ZNF254: variants seen among roughly 807,000 people sequenced by gnomAD.
The protein encoded by ZNF254 is CTD-2017D11.1.
A neutral mutation model predicts 12.4 loss-of-function variants in ZNF254; 10 were observed. The ratio of observed to expected loss-of-function variants is 0.80; its 90% confidence interval spans 0.50 to 1.36. The LOEUF is 1.36. Ranked by LOEUF, ZNF254 falls within the 40% of genes most tolerant of loss-of-function variation. The pLI, the probability that ZNF254 is intolerant of heterozygous loss-of-function variation, is 0.00. For missense variants in ZNF254, 996 were observed against 763.9 expected (o/e 1.30, Z -3.58); for synonymous variants, 305 against 253.4 (o/e 1.20, Z -1.93).
chr19:24,105,044 G>A (rs1044079642), intron 1 of ZNF254: 8 of 152,212 alleles, frequency 5.3e-5, no homozygotes, highest in African/African-American at 1.7e-4. Context: ...AATTCAGACT[G>A]TAATTTAGTG....
chr19:24,067,752 C>T (rs1434554441), intron 2 of ZNF254, among the ~76,000 whole-genome samples: 2 of 152,118 alleles, frequency 1.3e-5, no homozygotes, highest in Non-Finnish European at 2.9e-5. Flanking sequence ...TCACTGGGCC[C>T]AGCACCTACG....
chr19:24,038,644 C>T (rs942428501), intron 1 of ZNF254, among the ~76,000 whole-genome samples: 1 of 152,170 alleles, frequency 6.6e-6, no homozygotes, highest in African/African-American at 2.4e-5. Context: ...CTGTATGGAC[C>T]AGTCACAACA....
chr19:24,050,913 G>C (rs1375227039), intron 2 of ZNF254, among the ~76,000 whole-genome samples: 3 of 152,014 alleles, frequency 2.0e-5, no homozygotes, highest in Non-Finnish European at 4.4e-5. Context: ...TGTTAGTCAG[G>C]CTGGTCTCAA....
At chr19:24,078,493 A>G (rs756532317) in intron 2 of ZNF254, 1 of 152,200 alleles carries the variant, frequency 6.6e-6, no homozygotes, top group Non-Finnish European at 1.5e-5. Context: ...CTCACTTTCA[A>G]TGGCTGCTAA....
In ZNF254 at chr19:24,127,853, C is replaced by G. The variant is rs1023868456; in HGVS notation, c.1853C>G (p.Thr618Ser). The G allele has an allele frequency of 1.2e-6, 2 of 1,613,336 alleles. No homozygotes were observed. The highest frequency in any genetic ancestry group is 4.5e-5 in the East Asian group (2 of 44,854). ...GCATTTTTCTGGTCCTCAACCCTAA[C>G]TAAACATAAGAGAATTCATACTGGA... ...GKAFFWSSTL[T>S]KHKRIHTGEQ... Residue 618 changes from threonine (T) to serine (S), a missense_variant, in exon 4 of 4, where the codon ACT becomes AGT. Physicochemically the swap from Thr to Ser is moderately conservative, Grantham distance 58 (BLOSUM62 1). Coordinates refer to ENST00000357002, the MANE Select transcript of ZNF254 (RefSeq NM_203282.4).
intron 2 of ZNF254, among the ~76,000 whole-genome samples, chr19:24,050,670 G>A (rs989561554): frequency 6.6e-6 from 1 of 152,212 alleles, no homozygotes; most frequent in Non-Finnish European, 1.5e-5. Context: ...TGCTGAGGTT[G>A]TGTGACTCTC....
chr19:24,098,800 G>A (rs1599703632), intron 1 of ZNF254: 1 of 152,120 alleles, frequency 6.6e-6, no homozygotes, highest in African/African-American at 2.4e-5. Context: ...TGAAAGACAG[G>A]CTATTACAGT....
At chr19:24,115,096 C>A (rs560271680) in intron 3 of ZNF254, among the ~76,000 whole-genome samples, 1,768 of 152,276 alleles carry the variant, frequency 0.012, 8 homozygotes, top group Non-Finnish European at 0.015. Flanking sequence ...ACTAGTTCAA[C>A]CATTGTGGAA....
chr19:24,046,731 C>T (rs1199823900), intron 2 of ZNF254, among the ~76,000 whole-genome samples: 1 of 151,710 alleles, frequency 6.6e-6, no homozygotes, highest in African/African-American at 2.4e-5. Flanking sequence ...GAGGGAGTGG[C>T]TTCTGAACAT....
chr19:24,037,648 C>A (rs1330828972), intron 1 of ZNF254, among the ~76,000 whole-genome samples: 6 of 152,056 alleles, frequency 3.9e-5, no homozygotes, highest in Non-Finnish European at 8.8e-5. Flanking sequence ...TCGCTCTTGT[C>A]CCCCAGGCTG....
At chr19:24,048,353 G>A (rs1476932624) in intron 2 of ZNF254, among the ~76,000 whole-genome samples, 1 of 152,274 alleles carries the variant, frequency 6.6e-6, no homozygotes. Context: ...GGCCCAGGGT[G>A]GAACTGGTGG....
intron 2 of ZNF254, among the ~76,000 whole-genome samples, chr19:24,068,266 C>T (rs762392492): frequency 2.0e-5 from 3 of 151,586 alleles, no homozygotes; most frequent in Non-Finnish European, 4.4e-5. Flanking sequence ...CTGGGCCCAG[C>T]ACACAGGTGA....
intron 1 of ZNF254, among the ~76,000 whole-genome samples, chr19:24,096,384 AAATAACTTC>A (rs764993510): frequency 9.9e-5 from 15 of 152,016 alleles, no homozygotes; most frequent in Non-Finnish European, 1.8e-4. Context: ...TATTTGTTTA[AAATAACTTC>A]TTGGTTTCTG....
At chr19:24,087,460 T>G in intron 1 of ZNF254, 123 bp downstream of exon 1, 2 of 1,210,936 alleles carry the variant, frequency 1.7e-6, no homozygotes, top group Non-Finnish European at 2.4e-6. Context: ...CAGCTCGACC[T>G]CAGTCCCCTT....
Position 24,127,990 on chromosome 19 carries a change from C to G in ZNF254, c.*10C>G. 6.5e-7 allele frequency: 1 copy of G among 1,527,540 alleles called. No homozygotes were observed. The highest frequency in any genetic ancestry group is 8.7e-7 in the Non-Finnish European group (1 of 1,144,238). 94.6% of individuals were successfully genotyped at this position (1,527,540 alleles called of 1,614,324 possible). On this transcript the variant is annotated 3_prime_UTR_variant, in exon 4 of 4. Transcript: ENST00000357002. ...AATCTTACAAGTATGAATAATGTGC[C>G]AAAGCCTAAGAAAACCCTCAATTCT...
chr19:24,093,361 T>G (rs1332605476), intron 1 of ZNF254, among the ~76,000 whole-genome samples: 1 of 152,226 alleles, frequency 6.6e-6, no homozygotes, highest in Non-Finnish European at 1.5e-5. Context: ...TTATGAATTC[T>G]CTGCTAGATT....
chr19:24,084,373 G>T (rs569808951), upstream of ZNF254, among the ~76,000 whole-genome samples: 2 of 151,880 alleles, frequency 1.3e-5, no homozygotes, highest in South Asian at 2.1e-4. Flanking sequence ...AATGGCATAA[G>T]AATTATATAA....
At chr19:24,058,943 T>C (rs1970966942) in intron 2 of ZNF254, among the ~76,000 whole-genome samples, 1 of 152,246 alleles carries the variant, frequency 6.6e-6, no homozygotes. Flanking sequence ...TGCCTTTTAC[T>C]GCCTAGTTCC....
chr19:24,117,752 CGGAT>C (rs1307048658), intron 3 of ZNF254, among the ~76,000 whole-genome samples: 1 of 151,956 alleles, frequency 6.6e-6, no homozygotes, highest in Admixed American at 6.6e-5. Flanking sequence ...CCCGGTACCT[CGGAT>C]GGAAATGCAG....
Sources: allele counts gnomAD v4.1 joint callset (sites outside exome capture counted in the v4.1 genomes callset), GRCh38; gene constraint gnomAD v4.1.1; transcripts MANE v1.5; gene names NCBI Gene and HGNC (gene_info 2026-07-23, HGNC 2026-07-21).